BNC2: variants seen among roughly 807,000 people sequenced by gnomAD.
BNC2 encodes the protein zinc finger protein basonuclin-2.
In BNC2, 20 loss-of-function variants were observed where a neutral mutation model predicts 76.3. The observed-to-expected ratio is 0.26, with a 90% CI of 0.18 to 0.38. The LOEUF is 0.38. BNC2 is among the 10% of genes least tolerant of loss of function. BNC2 has a pLI of 1.00. For missense variants in BNC2, 1,382 were observed against 1,399.8 expected (o/e 0.99, Z 0.20); for synonymous variants, 582 against 514.8 (o/e 1.13, Z -1.77).
chr9:16,637,069 C>A (rs1206188988), intron 3 of BNC2, among the ~76,000 whole-genome samples: 1 of 151,464 alleles, frequency 6.6e-6, no homozygotes, highest in Non-Finnish European at 1.5e-5. Flanking sequence ...CTTCTTCTTG[C>A]CATATAGAAA....
At chr9:16,532,678 T>C (rs1818019301) in intron 5 of BNC2, among the ~76,000 whole-genome samples, 1 of 152,238 alleles carries the variant, frequency 6.6e-6, no homozygotes, top group African/African-American at 2.4e-5. Flanking sequence ...TCAAAATTCA[T>C]CACTTCTAAT....
chr9:16,532,392 G>A (rs1818009032), intron 5 of BNC2, among the ~76,000 whole-genome samples: 1 of 152,106 alleles, frequency 6.6e-6, no homozygotes, highest in African/African-American at 2.4e-5. Context: ...GTGGTGTTTA[G>A]TAATGTGAGC....
At chr9:16,548,470 A>G (rs1196631149) in intron 5 of BNC2, among the ~76,000 whole-genome samples, 1 of 151,776 alleles carries the variant, frequency 6.6e-6, no homozygotes, top group African/African-American at 2.4e-5. Flanking sequence ...CAATGGTACA[A>G]TCTTGGCTCA....
Position 16,418,921 on chromosome 9 carries a change from C to A in BNC2, c.*68G>T, listed in dbSNP as rs1820648828. 3.2e-6 allele frequency: 5 copies of A among 1,544,360 alleles called. No homozygotes were observed. Among genetic ancestry groups the A allele is most frequent in the Non-Finnish European group, 3.6e-6 (4 of 1,120,296 alleles). Reference sequence around the variant, plus strand: ...CACACCCCAAGTACATAAGCGCACACTGACTATGGCAGTTCAAACACGTAG... The same window carrying A: ...CACACCCCAAGTACATAAGCGCACAATGACTATGGCAGTTCAAACACGTAG... On this transcript the variant is annotated 3_prime_UTR_variant, in exon 7 of 7. Transcript: ENST00000380672.
chr9:16,435,929 A>G lies in BNC2; in HGVS notation c.2265T>C (p.Asn755=). ...HSEVSEKVLM[N]SERPDENHSE... ...TGTGGTTCTCATCAGGCCTCTCACT[A>G]TTCATCAGGACTTTTTCACTCACTT... The change falls in exon 6 of 7, where the codon AAT becomes AAC. Residue 755 remains asparagine (N), a synonymous_variant. Coordinates refer to ENST00000380672, the MANE Select transcript of BNC2 (RefSeq NM_017637.6). The G allele has an allele frequency of 1.2e-6, 2 of 1,614,052 alleles. No homozygotes were observed. Among genetic ancestry groups the G allele is most frequent in the African/African-American group, 2.7e-5 (2 of 75,028 alleles).
intron 5 of BNC2, among the ~76,000 whole-genome samples, chr9:16,547,975 C>A (rs980022247): frequency 2.6e-5 from 4 of 152,050 alleles, no homozygotes; most frequent in Admixed American, 6.6e-5. Flanking sequence ...GACGGATGGC[C>A]CCATTCGTCT....
chr9:16,820,991 G>A (rs1818314407), intron 1 of BNC2, among the ~76,000 whole-genome samples: 3 of 152,054 alleles, frequency 2.0e-5, no homozygotes, highest in Admixed American at 2.0e-4. Flanking sequence ...CCAGAACGTT[G>A]GGAGGCCGAG....
At chr9:16,562,817 C>A (rs1435504548) in intron 4 of BNC2, among the ~76,000 whole-genome samples, 5 of 152,104 alleles carry the variant, frequency 3.3e-5, no homozygotes, top group Admixed American at 3.3e-4. Flanking sequence ...AAAGTGATAT[C>A]ATGACTTCTA....
rs1245698892 is a variant in BNC2, at chr9:16,583,052, C to T, written c.364G>A (p.Glu122Lys). 6.2e-6 allele frequency: 10 copies of T among 1,613,904 alleles called. No homozygotes were observed. Among genetic ancestry groups the T allele is most frequent in the Non-Finnish European group, 6.8e-6 (8 of 1,179,986 alleles). Residue 122 changes from glutamate to lysine, a missense_variant, in exon 4 of 7, where the codon GAA becomes AAA. Glu to Lys is a moderately conservative substitution (Grantham distance 56). Transcript: ENST00000380672. The stretch of plus-strand genomic sequence containing the variant: ...TTAATCTTCCCTGGCTGAAAACATT[C>T]ACATGTGCAGTTTACCAGTGTGCAA... ...IRCTLVNCTC[E>K]CFQPGKINLR...
intron 5 of BNC2, among the ~76,000 whole-genome samples, chr9:16,506,089 C>G (rs544218251): frequency 6.6e-6 from 1 of 152,240 alleles, no homozygotes; most frequent in East Asian, 1.9e-4. Flanking sequence ...GCCATGAAAG[C>G]TTTTAAAAAT....
intron 4 of BNC2, among the ~76,000 whole-genome samples, chr9:16,559,586 T>C (rs2132653951): frequency 6.6e-6 from 1 of 152,342 alleles, no homozygotes; most frequent in Non-Finnish European, 1.5e-5. Context: ...CTGCAAGTCC[T>C]CATCATGTCG....
At chr9:16,816,992 C>T (rs915972033) in intron 1 of BNC2, among the ~76,000 whole-genome samples, 1 of 152,128 alleles carries the variant, frequency 6.6e-6, no homozygotes, top group Admixed American at 6.5e-5. Context: ...CAGCAACTGA[C>T]AAAGAAAAAG....
intron 5 of BNC2, among the ~76,000 whole-genome samples, chr9:16,529,790 C>T (rs1817920375): frequency 2.0e-5 from 3 of 152,256 alleles, no homozygotes; most frequent in Admixed American, 2.0e-4. Flanking sequence ...AACTGTTCCA[C>T]TAAATAAATC....
intron 1 of BNC2, among the ~76,000 whole-genome samples, chr9:16,869,954 A>T (rs1320836528): frequency 1.3e-5 from 2 of 152,194 alleles, no homozygotes; most frequent in Non-Finnish European, 2.9e-5. Context: ...CGTGCAAGTA[A>T]AACAAATCGG....
At chr9:16,734,719 C>T (rs1274560616) in intron 2 of BNC2, among the ~76,000 whole-genome samples, 4 of 152,126 alleles carry the variant, frequency 2.6e-5, no homozygotes, top group Non-Finnish European at 5.9e-5. Context: ...GATATCCAAG[C>T]CCGTGACAAA....
intron 5 of BNC2, among the ~76,000 whole-genome samples, chr9:16,479,261 AAAG>A (rs781630654): frequency 0.07 from 10,354 of 147,660 alleles, 552 homozygotes; most frequent in African/African-American, 0.13. Context: ...AAAAAAAAAA[AAAG>A]AAAAGAAAAG....
At chr9:16,759,659 A>G (rs1287594192) in intron 1 of BNC2, among the ~76,000 whole-genome samples, 1 of 152,192 alleles carries the variant, frequency 6.6e-6, no homozygotes, top group East Asian at 1.9e-4. Context: ...GGCATTCTAC[A>G]ATCACAACTG....
At chr9:16,742,510 C>T (rs1824880177) in intron 1 of BNC2, among the ~76,000 whole-genome samples, 3 of 151,968 alleles carry the variant, frequency 2.0e-5, no homozygotes, top group African/African-American at 7.3e-5. Context: ...GCCAGAGTCA[C>T]CTTAGGGACA....
intron 5 of BNC2, among the ~76,000 whole-genome samples, chr9:16,447,554 C>A (rs936654243): frequency 1.3e-5 from 2 of 151,998 alleles, no homozygotes; most frequent in Admixed American, 1.3e-4. Context: ...CCTGTATTAT[C>A]GTATATTCTG....
Sources: gnomAD v4.1 joint callset for allele counts (sites outside exome capture counted in the v4.1 genomes callset) on GRCh38, gnomAD v4.1.1 for gene constraint, MANE v1.5 for transcripts, NCBI Gene and HGNC (gene_info 2026-07-23, HGNC 2026-07-21) for gene names.